The following CNTNAP5 variants were observed in gnomAD, a reference collection of about 807,000 sequenced individuals.
The protein encoded by CNTNAP5 is contactin-associated protein-like 5.
CNTNAP5 carries 72 observed loss-of-function variants against 150.2 expected under a neutral mutation model. That is an observed-to-expected ratio of 0.48 (90% CI 0.40 to 0.58). CNTNAP5 has a LOEUF of 0.58. Ranked by LOEUF, CNTNAP5 falls within the 20% of genes least tolerant of loss-of-function variation. The pLI is 0.00. For synonymous variants in CNTNAP5, 672 were observed against 619.8 expected, an observed-to-expected ratio of 1.08 and a Z score of -1.25; for missense variants, 1,636 against 1,626.2, an observed-to-expected ratio of 1.01 and a Z score of -0.10.
chr2:124,520,839 A>G (rs936539862), intron 8 of CNTNAP5, among the ~76,000 whole-genome samples: 2 of 152,208 alleles, frequency 1.3e-5, no homozygotes, highest in African/African-American at 4.8e-5. Flanking sequence ...GAAAAAAGCA[A>G]TCTCATAAGG....
chr2:124,598,742 C>T (rs1299135114), intron 11 of CNTNAP5, among the ~76,000 whole-genome samples: 21 of 152,274 alleles, frequency 1.4e-4, no homozygotes, highest in African/African-American at 4.6e-4. Flanking sequence ...CCTCCCCCAG[C>T]CTCGCTGCCG....
Position 124,299,085 on chromosome 2 carries a change from G to A in CNTNAP5, c.381+56692G>A, listed in dbSNP as rs1688509561. 2.0e-5 allele frequency among the ~76,000 whole-genome samples: 3 copies of A among 152,134 alleles called. No individual in the cohort carries two copies. The South Asian group carries it at 6.2e-4, about 32-fold the overall frequency. The stretch of plus-strand genomic sequence containing the variant: ...ACAAAAAGGAAAGAAAAGGGAAACA[G>A]GGACACGTCACAAACCCAGAGAGAG... On this transcript the variant is annotated intron_variant, in intron 3 of 23. Coordinates refer to ENST00000682447, the MANE Select transcript of CNTNAP5 (RefSeq NM_001367498.1).
In CNTNAP5 at chr2:124,351,539, A is replaced by G. The variant is rs995720455; in HGVS notation, c.382-65904A>G. Among the ~76,000 whole-genome samples the G allele has an allele frequency of 1.3e-5, 2 of 152,172 alleles. 1 individual carries two copies. The highest frequency in any genetic ancestry group is 1.3e-4 in the Admixed American group (2 of 15,270). On this transcript the variant is annotated intron_variant, in intron 3 of 23. Coordinates refer to ENST00000682447, the MANE Select transcript of CNTNAP5 (RefSeq NM_001367498.1). ...TGGATTCCAGTTGGCATATTGAAGA[A>G]GCTTAACTGAATAGTTTTCAAAACA...
At chr2:124,112,936 C>T (rs1683332394) in intron 1 of CNTNAP5, among the ~76,000 whole-genome samples, 1 of 152,006 alleles carries the variant, frequency 6.6e-6, no homozygotes, top group Non-Finnish European at 1.5e-5. Flanking sequence ...CAGGAAAATC[C>T]ACACAAAACC....
At chr2:124,864,399 A>G (rs952027230) in intron 19 of CNTNAP5, among the ~76,000 whole-genome samples, 1 of 152,116 alleles carries the variant, frequency 6.6e-6, no homozygotes, top group Non-Finnish European at 1.5e-5. Context: ...ACAACATACA[A>G]TATACTTTTG....
chr2:124,084,852 T>C (rs555605189), intron 1 of CNTNAP5, among the ~76,000 whole-genome samples: 18 of 151,660 alleles, frequency 1.2e-4, no homozygotes, highest in South Asian at 1.0e-3. Flanking sequence ...TTTTGTATAA[T>C]ACTCCAGTGA....
In CNTNAP5 at chr2:124,386,916, C is replaced by T. The variant is rs552878929; in HGVS notation, c.382-30527C>T. Among the ~76,000 whole-genome samples, 217 of 152,180 alleles carry T rather than the reference C, an allele frequency of 1.4e-3. 2 individuals carry two copies. The highest frequency in any genetic ancestry group is 5.1e-3 in the African/African-American group (212 of 41,512). On this transcript the variant is annotated intron_variant, in intron 3 of 23. Transcript: ENST00000682447. ...GGTCATTAAGTCATAAGAGTGGAGC[C>T]CTAATCATGGGATTAATGCTCTTAT... is the stretch of plus-strand genomic sequence containing the variant.
At chr2:124,705,866 T>C (rs1247481065) in intron 13 of CNTNAP5, among the ~76,000 whole-genome samples, 8 of 152,184 alleles carry the variant, frequency 5.3e-5, no homozygotes, top group Admixed American at 5.2e-4. Flanking sequence ...AAATTTCAGG[T>C]TAACCCTTGG....
intron 8 of CNTNAP5, among the ~76,000 whole-genome samples, chr2:124,521,780 T>G (rs1023999129): frequency 3.3e-5 from 5 of 151,942 alleles, no homozygotes; most frequent in African/African-American, 1.2e-4. Context: ...CAAGTGAAAG[T>G]TTTTAAAAAG....
At chr2:124,421,215 G>A (rs1048633503) in intron 4 of CNTNAP5, among the ~76,000 whole-genome samples, 5 of 152,142 alleles carry the variant, frequency 3.3e-5, no homozygotes, top group African/African-American at 1.2e-4. Context: ...CTCATGGCCT[G>A]ACCTCAGAGA....
chr2:124,427,645 C>A (rs1234807377), intron 4 of CNTNAP5, among the ~76,000 whole-genome samples: 1 of 151,808 alleles, frequency 6.6e-6, no homozygotes, highest in Non-Finnish European at 1.5e-5. Context: ...TTAGTAGAGA[C>A]GGGGTTTCAC....
At chr2:124,306,815 C>G (rs142443084) in intron 3 of CNTNAP5, among the ~76,000 whole-genome samples, 11 of 150,418 alleles carry the variant, frequency 7.3e-5, no homozygotes, top group Non-Finnish European at 1.2e-4. Context: ...GCAACCTCCG[C>G]CTCCCAGGTT....
chr2:124,506,338 A>C (rs2104865661), intron 8 of CNTNAP5, among the ~76,000 whole-genome samples: 1 of 152,228 alleles, frequency 6.6e-6, no homozygotes, highest in East Asian at 1.9e-4. Context: ...GTAGTCAGGA[A>C]AAAAAAATGA....
intron 1 of CNTNAP5, among the ~76,000 whole-genome samples, chr2:124,172,882 T>G (rs536352103): frequency 6.6e-6 from 1 of 152,294 alleles, no homozygotes; most frequent in South Asian, 2.1e-4. Flanking sequence ...TCTGCTTTAT[T>G]TCACTTTGAA....
At chr2:124,715,606 G>A (rs1188126858) in intron 13 of CNTNAP5, among the ~76,000 whole-genome samples, 1 of 152,094 alleles carries the variant, frequency 6.6e-6, no homozygotes, top group Non-Finnish European at 1.5e-5. Flanking sequence ...TTGGTATGCT[G>A]CACCCATTAA....
chr2:124,437,081 T>C (rs568574522), intron 5 of CNTNAP5, among the ~76,000 whole-genome samples: 7 of 152,242 alleles, frequency 4.6e-5, no homozygotes, highest in African/African-American at 1.4e-4. Context: ...GCTTTGCCCA[T>C]AATGGGAAAT....
At chr2:124,577,926 A>G (rs770147733) in intron 11 of CNTNAP5, among the ~76,000 whole-genome samples, 12 of 152,082 alleles carry the variant, frequency 7.9e-5, no homozygotes, top group Non-Finnish European at 1.6e-4. Flanking sequence ...ATGATGATAG[A>G]CAAAACTGGT....
At chr2:124,524,236 T>C in intron 8 of CNTNAP5, 67 bp from the exon 9 acceptor site, 2 of 1,541,800 alleles carry the variant, frequency 1.3e-6, no homozygotes. Flanking sequence ...GGCTGGGAAA[T>C]GAGCCCCCTC....
At chr2:124,521,132 C>T (rs1694838530) in intron 8 of CNTNAP5, among the ~76,000 whole-genome samples, 3 of 152,182 alleles carry the variant, frequency 2.0e-5, no homozygotes, top group Admixed American at 2.0e-4. Context: ...GCTCCTGACC[C>T]TGGCTGCAAA....
Sources: allele counts gnomAD v4.1 joint callset (sites outside exome capture counted in the v4.1 genomes callset), GRCh38; gene constraint gnomAD v4.1.1; transcripts MANE v1.5; gene names NCBI Gene and HGNC (gene_info 2026-07-23, HGNC 2026-07-21).